The following AGT variants were observed in gnomAD, a reference collection of about 807,000 sequenced individuals.
AGT encodes alpha-1 antiproteinase, antitrypsin.
A neutral mutation model predicts 28.1 loss-of-function variants in AGT; 26 were observed. That is an observed-to-expected ratio of 0.92 (90% CI 0.68 to 1.28). AGT has a LOEUF of 1.28. Ranked by LOEUF, AGT falls within the 50% of genes most tolerant of loss-of-function variation. AGT has a pLI of 0.00. For missense variants in AGT, 596 were observed against 592.3 expected, an observed-to-expected ratio of 1.01 and a Z score of -0.06; for synonymous variants, 259 against 259.6, an observed-to-expected ratio of 1.00 and a Z score of 0.02.
chr1:230,731,130 G>A (rs759377869), intron 1 of AGT, among the ~76,000 whole-genome samples: 6 of 152,154 alleles, frequency 3.9e-5, no homozygotes, highest in African/African-American at 4.8e-5. Context: ...ACCTTGTGAC[G>A]AAAGCCAAAT....
chr1:230,733,812 G>A (rs1019751945), intron 1 of AGT, among the ~76,000 whole-genome samples: 1 of 152,124 alleles, frequency 6.6e-6, no homozygotes, highest in Admixed American at 6.6e-5. Context: ...GAAGACTGGA[G>A]TAGTCTTCAT....
At chr1:230,708,449 C>T (rs1232513343) in intron 2 of AGT, among the ~76,000 whole-genome samples, 3 of 152,184 alleles carry the variant, frequency 2.0e-5, no homozygotes, top group South Asian at 4.1e-4. Flanking sequence ...CCACCCTCAA[C>T]CGGGCAACCC....
chr1:230,734,877 C>T lies in AGT; in HGVS notation c.-31+10638G>A, dbSNP rs372551426. On this transcript the variant is annotated intron_variant, in intron 1 of 4. Transcript: ENST00000681269. ...GGCGCCTGCCACCACGCCTGGCTAA[C>T]TTTTTTTTTTGTATGTTTAGTAGAG... 1.3e-3 allele frequency among the ~76,000 whole-genome samples: 188 copies of T among 149,332 alleles called. 2 individuals are homozygous for T. The highest frequency in any genetic ancestry group is 0.012 in the East Asian group (61 of 5,068).
chr1:230,743,712 C>T (rs1229800480), intron 1 of AGT, among the ~76,000 whole-genome samples: 1 of 152,256 alleles, frequency 6.6e-6, no homozygotes, highest in East Asian at 1.9e-4. Context: ...TGCTGTAAGG[C>T]CTGGACCGGG....
upstream of AGT, among the ~76,000 whole-genome samples, chr1:230,718,722 C>CTTTTTTTTTTTTTTTT (rs1228887131): frequency 1.5e-4 from 18 of 118,448 alleles, no homozygotes; most frequent in African/African-American, 5.8e-4. Context: ...TTCCACACCG[C>CTTTTTTTTTTTTTTTT]TTTTTTTTTT....
intron 1 of AGT, among the ~76,000 whole-genome samples, chr1:230,738,758 C>G (rs1042958937): frequency 1.3e-5 from 2 of 152,076 alleles, no homozygotes; most frequent in Non-Finnish European, 2.9e-5. Flanking sequence ...TGAAAATAAA[C>G]CTTTACCACA....
intron 1 of AGT, among the ~76,000 whole-genome samples, chr1:230,735,838 C>T (rs1365750767): frequency 6.6e-6 from 1 of 152,178 alleles, no homozygotes; most frequent in Non-Finnish European, 1.5e-5. Context: ...GCTTCCAGCC[C>T]CCCAACTGCT....
chr1:230,704,435 G>A (rs1221154471), intron 3 of AGT, 98 bp from the exon 4 acceptor site: 12 of 1,472,410 alleles, frequency 8.1e-6, no homozygotes, highest in Admixed American at 1.9e-5. Context: ...CAACCCTGAC[G>A]ACAGGGATGT....
At chr1:230,706,895 T>C (rs1663401839) in intron 2 of AGT, among the ~76,000 whole-genome samples, 1 of 152,180 alleles carries the variant, frequency 6.6e-6, no homozygotes, top group South Asian at 2.1e-4. Flanking sequence ...ATACTCACTT[T>C]TTAATCCATG....
Position 230,735,224 on chromosome 1 carries a change from C to T in AGT, c.-31+10291G>A, listed in dbSNP as rs76578520. ...ACTGAACGCTTCCTTCCACTACCTCCCAGAGCATGGAAATCTCGCCCCGAC... is the reference window on the plus strand; with the variant it reads ...ACTGAACGCTTCCTTCCACTACCTCTCAGAGCATGGAAATCTCGCCCCGAC... On this transcript the variant is annotated intron_variant, in intron 1 of 4. Coordinates refer to the AGT transcript ENST00000681269. Among the ~76,000 whole-genome samples the T allele has an allele frequency of 2.3e-4, 35 of 152,204 alleles. No individual in the cohort carries two copies. The East Asian group carries it at 6.2e-3, about 27-fold the overall frequency.
intron 1 of AGT, among the ~76,000 whole-genome samples, chr1:230,734,610 A>G (rs200909620): frequency 2.7e-5 from 4 of 150,376 alleles, no homozygotes; most frequent in South Asian, 2.1e-4. Flanking sequence ...TGGTGTGTGT[A>G]TGTGTGTGTG....
chr1:230,725,464 C>G (rs1446549985), intron 1 of AGT, among the ~76,000 whole-genome samples: 1 of 152,156 alleles, frequency 6.6e-6, no homozygotes, highest in Non-Finnish European at 1.5e-5. Flanking sequence ...GTGGTCCGAA[C>G]TTTGTGTGTT....
intron 1 of AGT, among the ~76,000 whole-genome samples, chr1:230,732,514 A>C (rs1434420721): frequency 6.6e-6 from 1 of 152,152 alleles, no homozygotes; most frequent in East Asian, 1.9e-4. Context: ...TGAAAATGCA[A>C]GAATAACTTT....
chr1:230,743,388 C>G (rs369557646), intron 1 of AGT, among the ~76,000 whole-genome samples: 6 of 152,344 alleles, frequency 3.9e-5, no homozygotes, highest in Admixed American at 3.9e-4. Flanking sequence ...AGTCTGAAGG[C>G]AGGACGCCAC....
chr1:230,719,696 C>T (rs938191003), intron 1 of AGT, among the ~76,000 whole-genome samples: 8 of 152,060 alleles, frequency 5.3e-5, no homozygotes, highest in Non-Finnish European at 1.2e-4. Flanking sequence ...CATGAGCCAC[C>T]ACACCTGGCT....
upstream of AGT, among the ~76,000 whole-genome samples, chr1:230,717,766 T>C: frequency 6.6e-6 from 1 of 152,182 alleles, no homozygotes; most frequent in East Asian, 1.9e-4. Flanking sequence ...CCCATCTATA[T>C]CATGGGGGCT....
At position 230,734,993 on chromosome 1, in the gene AGT, T is replaced by C. The variant is rs557722996; in HGVS notation, c.-31+10522A>G. On this transcript the variant is annotated intron_variant, in intron 1 of 4. Coordinates refer to the AGT transcript ENST00000681269. The stretch of plus-strand genomic sequence containing the variant: ...CCTCCCAAAGTGCTGGGATTACAGA[T>C]GTGAGCCATCGCGCCCGGCCATAAC... Among the ~76,000 whole-genome samples, 10 of 152,230 alleles carry C rather than the reference T, an allele frequency of 6.6e-5. No homozygotes were observed. The East Asian group carries it at 1.4e-3, about 21-fold the overall frequency.
chr1:230,710,840 C>T lies in AGT; in HGVS notation c.-17G>A, dbSNP rs61762541. The T allele has an allele frequency of 7.4e-6, 12 of 1,613,142 alleles. No individual in the cohort carries two copies. Among genetic ancestry groups the T allele is most frequent in the African/African-American group, 2.7e-5 (2 of 74,926 alleles). ...AGGAGCCATCTCAGACTGGGGTGCT[C>T]GCTTCCGCATACCCTGAAATATCAT... On this transcript the variant is annotated 5_prime_UTR_variant, in exon 2 of 5. Transcript: ENST00000366667.
At chr1:230,709,692 G>A (rs1414132535) in intron 2 of AGT, among the ~76,000 whole-genome samples, 4 of 152,138 alleles carry the variant, frequency 2.6e-5, no homozygotes, top group African/African-American at 4.8e-5. Context: ...TTGTTTCTCC[G>A]AGTCTCTATT....
Sources: gnomAD v4.1 joint callset for allele counts (sites outside exome capture counted in the v4.1 genomes callset) on GRCh38, gnomAD v4.1.1 for gene constraint, MANE v1.5 for transcripts, NCBI Gene and HGNC (gene_info 2026-07-23, HGNC 2026-07-21) for gene names.